The following PPARGC1A variants were observed in gnomAD, a reference collection of about 807,000 sequenced individuals.
The protein encoded by PPARGC1A is peroxisome proliferator-activated receptor gamma coactivator 1-alpha.
PPARGC1A carries 25 observed loss-of-function variants against 88.7 expected under a neutral mutation model. The observed-to-expected ratio is 0.28, with a 90% CI of 0.21 to 0.39. The LOEUF (loss-of-function observed/expected upper bound fraction) is 0.39. PPARGC1A is among the 10% of genes least tolerant of loss of function. PPARGC1A has a pLI of 1.00. For missense variants in PPARGC1A, 880 were observed against 968.7 expected, an observed-to-expected ratio of 0.91 and a Z score of 1.22; for synonymous variants, 363 against 355.6, an observed-to-expected ratio of 1.02 and a Z score of -0.24.
intron 2 of PPARGC1A, among the ~76,000 whole-genome samples, chr4:23,869,685 G>A (rs1712862190): frequency 7.0e-6 from 1 of 143,802 alleles, no homozygotes; most frequent in Admixed American, 6.9e-5. Context: ...GTGGGCGGGG[G>A]GGCAGTTAGT....
At chr4:24,452,996 C>T in the PPARGC1A span, among the ~76,000 whole-genome samples, 1 of 152,144 alleles carries the variant, frequency 6.6e-6, no homozygotes, top group African/African-American at 2.4e-5. Context: ...GAGACATGGA[C>T]CTTCACAGAC....
the PPARGC1A span, among the ~76,000 whole-genome samples, chr4:24,457,556 T>C: frequency 1.5e-5 from 2 of 133,810 alleles, no homozygotes; most frequent in South Asian, 4.5e-4. Context: ...TGTTTGTTTG[T>C]TTGTTTTAAG....
At chr4:23,831,499 T>G in intron 3 of PPARGC1A, 58 bp downstream of exon 3, 1 of 1,450,676 alleles carries the variant, frequency 6.9e-7, no homozygotes, top group Admixed American at 1.7e-5. Flanking sequence ...ATCATACCCA[T>G]GCAGCGGGTA....
chr4:24,275,526 C>T, the PPARGC1A span, among the ~76,000 whole-genome samples: 31 of 152,174 alleles, frequency 2.0e-4, no homozygotes, highest in Middle Eastern at 3.4e-3. Context: ...AGAGAAAGCA[C>T]GATAATTGCT....
the PPARGC1A span, among the ~76,000 whole-genome samples, chr4:23,926,115 A>G: frequency 6.6e-6 from 1 of 152,094 alleles, no homozygotes; most frequent in Non-Finnish European, 1.5e-5. Flanking sequence ...CACTTTGCTT[A>G]TTCTTCTCAG....
At chr4:24,065,842 TCA>T in the PPARGC1A span, among the ~76,000 whole-genome samples, 3 of 152,136 alleles carry the variant, frequency 2.0e-5, no homozygotes, top group African/African-American at 4.8e-5. Context: ...TGTTCATTCA[TCA>T]CACAGTTACA....
At chr4:24,183,353 A>G in the PPARGC1A span, among the ~76,000 whole-genome samples, 1 of 152,174 alleles carries the variant, frequency 6.6e-6, no homozygotes, top group African/African-American at 2.4e-5. Context: ...TCTAGTTACA[A>G]GCTTGTGAGG....
intron 2 of PPARGC1A, among the ~76,000 whole-genome samples, chr4:23,875,146 G>C (rs1714429474): frequency 1.3e-5 from 2 of 151,994 alleles, no homozygotes; most frequent in Non-Finnish European, 2.9e-5. Flanking sequence ...CCCTCAATAG[G>C]GAGACCTAAA....
the PPARGC1A span, among the ~76,000 whole-genome samples, chr4:24,429,870 C>T: frequency 1.4e-3 from 213 of 152,126 alleles, 1 homozygote; most frequent in Non-Finnish European, 1.6e-3. Context: ...AGGCTGGTCT[C>T]AAACTCCTGA....
the PPARGC1A span, among the ~76,000 whole-genome samples, chr4:24,352,471 A>C: frequency 6.6e-6 from 1 of 152,158 alleles, no homozygotes; most frequent in South Asian, 2.1e-4. Flanking sequence ...TCAACATCCC[A>C]TAGGTGAGGG....
At chr4:24,074,161 G>A in the PPARGC1A span, among the ~76,000 whole-genome samples, 4 of 152,308 alleles carry the variant, frequency 2.6e-5, no homozygotes, top group Admixed American at 6.5e-5. Context: ...GCTCTCACAT[G>A]AGGGAATGAA....
the PPARGC1A span, among the ~76,000 whole-genome samples, chr4:24,413,690 G>T: frequency 2.5e-4 from 38 of 152,280 alleles, no homozygotes; most frequent in East Asian, 6.6e-3. Flanking sequence ...TCTTTCCGCT[G>T]CTGGCTTCGC....
the PPARGC1A span, among the ~76,000 whole-genome samples, chr4:24,207,658 G>T: frequency 6.6e-6 from 1 of 152,166 alleles, no homozygotes; most frequent in Middle Eastern, 3.2e-3. Flanking sequence ...AATTTATCAA[G>T]CATTGTGATG....
chr4:24,362,350 C>CTGGACGGATGGA, the PPARGC1A span, among the ~76,000 whole-genome samples: 1 of 148,946 alleles, frequency 6.7e-6, no homozygotes, highest in Non-Finnish European at 1.5e-5. Flanking sequence ...GAACACATGA[C>CTGGACGGATGGA]TGGATGGATG....
At chr4:24,435,816 C>T in the PPARGC1A span, among the ~76,000 whole-genome samples, 1 of 152,166 alleles carries the variant, frequency 6.6e-6, no homozygotes, top group African/African-American at 2.4e-5. Flanking sequence ...AACCACACAG[C>T]ATATAAGTAG....
chr4:24,455,302 A>T, the PPARGC1A span, among the ~76,000 whole-genome samples: 23 of 152,250 alleles, frequency 1.5e-4, no homozygotes, highest in East Asian at 4.3e-3. Context: ...GCAACATAGC[A>T]AGACTCTGTC....
the PPARGC1A span, among the ~76,000 whole-genome samples, chr4:24,277,218 G>A: frequency 1.3e-5 from 2 of 152,020 alleles, no homozygotes; most frequent in African/African-American, 2.4e-5. Context: ...TTAGCCTACT[G>A]CAAGCACACA....
chr4:23,849,968 G>GA (rs907027705), intron 2 of PPARGC1A, among the ~76,000 whole-genome samples: 1 of 150,084 alleles, frequency 6.7e-6, no homozygotes, highest in Non-Finnish European at 1.5e-5. Flanking sequence ...TTGAATGAAG[G>GA]AAAAAAATAG....
the PPARGC1A span, among the ~76,000 whole-genome samples, chr4:24,073,751 G>C: frequency 6.6e-6 from 1 of 152,194 alleles, no homozygotes; most frequent in African/African-American, 2.4e-5. Context: ...TTATCATGTT[G>C]TCACAGCTAC....
Sources: gnomAD v4.1 joint callset for allele counts (sites outside exome capture counted in the v4.1 genomes callset) on GRCh38, gnomAD v4.1.1 for gene constraint, MANE v1.5 for transcripts, NCBI Gene and HGNC (gene_info 2026-07-23, HGNC 2026-07-21) for gene names.